The following SHOC1 variants were observed in gnomAD, a reference collection of about 807,000 sequenced individuals.
SHOC1 encodes shortage in chiasmata 1.
In SHOC1, 136 loss-of-function variants were observed where a neutral mutation model predicts 179.2. The ratio of observed to expected loss-of-function variants is 0.76; its 90% confidence interval spans 0.66 to 0.87. The LOEUF is 0.87. Among genes scored for constraint, SHOC1 ranks in the 40% least tolerant of loss-of-function variants. The probability of loss-of-function intolerance (pLI) is 0.00; values close to 1 mark genes in which losing one functional copy is unlikely to be tolerated. For missense variants in SHOC1, 1,538 were observed against 1,700.8 expected (o/e 0.90, Z 1.68); for synonymous variants, 489 against 586.6 (o/e 0.83, Z 2.41).
rs1276762071 is a variant in SHOC1 at position 111,738,355 on chromosome 9, A to G, written c.1342T>C (p.Leu448=). The part of the protein sequence containing the change: ...METLEHLNTY[L]CHDNLSSNDT... ...TTAGAAGACAAATTATCATGACATA[A>G]ATATGTATTCAGATGTTCCAATGTT... Residue 448 remains leucine (L), a synonymous_variant, in exon 12 of 28, where the codon TTA becomes CTA. Coordinates refer to ENST00000682961, the MANE Select transcript of SHOC1 (RefSeq NM_001378211.1). 3 of 1,612,676 alleles carry G rather than the reference A, an allele frequency of 1.9e-6. No homozygotes were observed.
At chr9:111,775,756 A>C in intron 5 of SHOC1, 35 bp downstream of exon 5, 1 of 1,552,036 alleles carries the variant, frequency 6.4e-7, no homozygotes, top group Non-Finnish European at 8.7e-7. Flanking sequence ...TATCAGTAAG[A>C]AATGTTTTAC....
intron 13 of SHOC1, among the ~76,000 whole-genome samples, chr9:111,725,367 A>G (rs1315999135): frequency 6.6e-6 from 1 of 152,200 alleles, no homozygotes; most frequent in African/African-American, 2.4e-5. Context: ...GTGCATTGGT[A>G]TGATCTATTA....
chr9:111,687,767 CT>C (rs906175321), intron 27 of SHOC1, among the ~76,000 whole-genome samples: 3 of 136,992 alleles, frequency 2.2e-5, no homozygotes, highest in Non-Finnish European at 3.2e-5. Flanking sequence ...TTTTTTTTTT[CT>C]TTTTTCTTTT....
intron 21 of SHOC1, among the ~76,000 whole-genome samples, chr9:111,704,235 T>C (rs1047580407): frequency 2.6e-5 from 4 of 152,202 alleles, no homozygotes; most frequent in Non-Finnish European, 5.9e-5. Flanking sequence ...CGTAACACTA[T>C]TACAAATGTT....
chr9:111,709,189 A>C (rs1315897413), intron 18 of SHOC1, among the ~76,000 whole-genome samples: 1 of 152,220 alleles, frequency 6.6e-6, no homozygotes, highest in African/African-American at 2.4e-5. Flanking sequence ...AAAAAAATAC[A>C]AAATTAGCTG....
chr9:111,699,827 CTTTA>C (rs371724144), intron 24 of SHOC1, 123 bp downstream of exon 24: 257 of 529,688 alleles, frequency 4.9e-4, no homozygotes, highest in African/African-American at 3.9e-3. Flanking sequence ...GAAAACTATT[CTTTA>C]TTTAGCTTTT....
At chr9:111,754,314 A>G (rs1834752953) in intron 8 of SHOC1, among the ~76,000 whole-genome samples, 1 of 152,232 alleles carries the variant, frequency 6.6e-6, no homozygotes, top group African/African-American at 2.4e-5. Context: ...ATCTGAGTAG[A>G]CATTTCTCCA....
Position 111,703,977 on chromosome 9 carries a change from T to C in SHOC1, c.2871A>G (p.Leu957=). The change falls in exon 22 of 28, where the codon CTA becomes CTG. Residue 957 remains leucine (L), a synonymous_variant. Coordinates refer to ENST00000682961, the MANE Select transcript of SHOC1 (RefSeq NM_001378211.1). ...QLLESNYNIS[L]VERGCSESLK... ...ATGACTCACTGCAGCCTCTCTCTAC[T>C]AGTGAGATGTTATAGCTGTAAAATA... The C allele has an allele frequency of 6.4e-7, 1 of 1,573,040 alleles. No homozygotes were observed. The highest frequency in any genetic ancestry group is 8.7e-7 in the Non-Finnish European group (1 of 1,149,378).
intron 24 of SHOC1, among the ~76,000 whole-genome samples, chr9:111,696,515 T>C (rs917015824): frequency 3.9e-5 from 6 of 152,176 alleles, no homozygotes; most frequent in Admixed American, 1.3e-4. Context: ...TCAATGTCCA[T>C]TGAAAAAATG....
Position 111,692,048 on chromosome 9 carries a change from G to T in SHOC1, c.3929C>A (p.Pro1310Gln), listed in dbSNP as rs1486462414. 6.2e-7 allele frequency: 1 copy of T among 1,613,586 alleles called. No individual in the cohort carries two copies. The highest frequency in any genetic ancestry group is 8.5e-7 in the Non-Finnish European group (1 of 1,179,812). Reference protein sequence around the residue: ...TQMNCETIKSPTDTQKRVSVV... With the variant: ...TQMNCETIKSQTDTQKRVSVV... Reference sequence around the variant, plus strand: ...TGACACTCTCTTCTGAGTGTCAGTTGGTGATTTTATAGTTTCACAGTTCAT... The same window carrying T: ...TGACACTCTCTTCTGAGTGTCAGTTTGTGATTTTATAGTTTCACAGTTCAT... The change falls in exon 27 of 28, where the codon CCA becomes CAA. Residue 1310 changes from proline to glutamine, a missense_variant. Transcript: ENST00000682961.
chr9:111,762,784 A>C (rs1835192390), intron 5 of SHOC1, among the ~76,000 whole-genome samples: 1 of 152,172 alleles, frequency 6.6e-6, no homozygotes, highest in South Asian at 2.1e-4. Flanking sequence ...TGTTAGAAGC[A>C]TTTTCTTTAC....
intron 9 of SHOC1, among the ~76,000 whole-genome samples, chr9:111,747,166 T>G (rs754918624): frequency 1.3e-5 from 2 of 152,170 alleles, no homozygotes; most frequent in Admixed American, 6.6e-5. Flanking sequence ...GTGATTCTCA[T>G]GTATTGCTAA....
chr9:111,779,179 A>G (rs1412446614), intron 4 of SHOC1, among the ~76,000 whole-genome samples: 1 of 152,068 alleles, frequency 6.6e-6, no homozygotes, highest in African/African-American at 2.4e-5. Flanking sequence ...CCCTGAAAAC[A>G]TTATATTAAG....
At chr9:111,728,618 T>C (rs768586497) in intron 12 of SHOC1, among the ~76,000 whole-genome samples, 2 of 152,148 alleles carry the variant, frequency 1.3e-5, no homozygotes, top group Non-Finnish European at 2.9e-5. Context: ...TTATATAAAA[T>C]GTCCAGAAAA....
At chr9:111,686,934 T>A in intron 27 of SHOC1, 64 bp from the exon 28 acceptor site, 2 of 979,890 alleles carry the variant, frequency 2.0e-6, no homozygotes, top group Non-Finnish European at 2.9e-6. Flanking sequence ...AGGTTTTTTC[T>A]TTTCCTTTTT....
intron 5 of SHOC1, among the ~76,000 whole-genome samples, chr9:111,772,921 A>G (rs889356377): frequency 1.3e-5 from 2 of 152,196 alleles, no homozygotes; most frequent in Non-Finnish European, 2.9e-5. Flanking sequence ...ATGGAGGGAA[A>G]GCTAGTTGAC....
intron 5 of SHOC1, among the ~76,000 whole-genome samples, chr9:111,764,458 G>A (rs1400496232): frequency 1.3e-5 from 2 of 152,062 alleles, no homozygotes; most frequent in East Asian, 1.9e-4. Context: ...GGGGACTATT[G>A]TACAATAAAG....
intron 11 of SHOC1, among the ~76,000 whole-genome samples, chr9:111,738,905 A>T (rs1026005077): frequency 1.3e-5 from 2 of 152,156 alleles, no homozygotes; most frequent in African/African-American, 4.8e-5. Context: ...ATAAGCCTAA[A>T]CAAGAAGAAA....
rs1383757928 is a variant in SHOC1, at chr9:111,706,563, C to T, written c.2737+5G>A. The T allele has an allele frequency of 6.7e-7, 1 of 1,492,230 alleles. No homozygotes were observed. The highest frequency in any genetic ancestry group is 2.5e-5 in the East Asian group (1 of 40,388). The allele number at this position is 1,492,230 out of a possible 1,614,324, so 92.4% of individuals were successfully genotyped here. On this transcript the variant is annotated splice_donor_5th_base_variant and intron_variant, in intron 20 of 27. Coordinates refer to ENST00000682961, the MANE Select transcript of SHOC1 (RefSeq NM_001378211.1). ...CAAAAAAAGGATTTTGGCTTATATT[C>T]TTACTTTCTAAAACTGTGTCTGGAA...
Sources: gnomAD v4.1 joint callset for allele counts (sites outside exome capture counted in the v4.1 genomes callset) on GRCh38, gnomAD v4.1.1 for gene constraint, MANE v1.5 for transcripts, NCBI Gene and HGNC (gene_info 2026-07-23, HGNC 2026-07-21) for gene names.